The following RNF220 variants were observed in gnomAD, a reference collection of about 807,000 sequenced individuals.
The protein encoded by RNF220 is E3 ubiquitin-protein ligase RNF220.
RNF220 carries 7 observed loss-of-function variants against 67.1 expected under a neutral mutation model. That is an observed-to-expected ratio of 0.10 (90% CI 0.06 to 0.20). RNF220 has a LOEUF of 0.20. Among genes scored for constraint, RNF220 ranks in the 10% least tolerant of loss-of-function variants. The pLI is 1.00. For missense variants in RNF220, 565 were observed against 740.3 expected (o/e 0.76, Z 2.75); for synonymous variants, 270 against 283.2 (o/e 0.95, Z 0.47).
At chr1:44,479,229 C>T (rs1386549810) in intron 2 of RNF220, among the ~76,000 whole-genome samples, 2 of 151,922 alleles carry the variant, frequency 1.3e-5, no homozygotes, top group Admixed American at 6.6e-5. Flanking sequence ...CATTCTCCTG[C>T]CTCAGCCTCC....
chr1:44,450,277 A>G (rs1241173002), intron 2 of RNF220, among the ~76,000 whole-genome samples: 1 of 152,112 alleles, frequency 6.6e-6, no homozygotes, highest in African/African-American at 2.4e-5. Flanking sequence ...CGAAGCCTGC[A>G]TTGCCTCTTA....
At chr1:44,499,171 C>A (rs12096825) in intron 2 of RNF220, among the ~76,000 whole-genome samples, 126 of 152,246 alleles carry the variant, frequency 8.3e-4, no homozygotes, top group African/African-American at 2.8e-3. Flanking sequence ...TAGTAATTGT[C>A]TCCCTGAATC....
chr1:44,596,826 C>G (rs954476095), intron 2 of RNF220, among the ~76,000 whole-genome samples: 6 of 152,194 alleles, frequency 3.9e-5, no homozygotes, highest in Non-Finnish European at 8.8e-5. Context: ...CTAGTCCGCT[C>G]TCAACTATGA....
chr1:44,431,198 A>C (rs1436805544), intron 2 of RNF220, among the ~76,000 whole-genome samples: 1 of 152,180 alleles, frequency 6.6e-6, no homozygotes, highest in East Asian at 1.9e-4. Flanking sequence ...AAGGTAGTTT[A>C]AAAATGAAAT....
At chr1:44,441,316 G>C (rs1224004141) in intron 2 of RNF220, among the ~76,000 whole-genome samples, 2 of 152,124 alleles carry the variant, frequency 1.3e-5, no homozygotes, top group Non-Finnish European at 2.9e-5. Context: ...ATGTTAAGGA[G>C]AATATTACCA....
chr1:44,531,787 A>T (rs1660853861), intron 2 of RNF220, among the ~76,000 whole-genome samples: 1 of 152,222 alleles, frequency 6.6e-6, no homozygotes, highest in Non-Finnish European at 1.5e-5. Context: ...TCACTGCTTG[A>T]ATACCTCTTA....
intron 2 of RNF220, among the ~76,000 whole-genome samples, chr1:44,511,164 C>T (rs146999454): frequency 7.0e-4 from 107 of 152,306 alleles, no homozygotes; most frequent in African/African-American, 2.4e-3. Flanking sequence ...CTAAAGACTA[C>T]AGCCAATTCT....
At chr1:44,528,921 G>A (rs1228078899) in intron 2 of RNF220, among the ~76,000 whole-genome samples, 1 of 152,064 alleles carries the variant, frequency 6.6e-6, no homozygotes, top group Non-Finnish European at 1.5e-5. Context: ...GCCAGAATTG[G>A]CAACTTTTAA....
intron 2 of RNF220, among the ~76,000 whole-genome samples, chr1:44,487,672 A>AAATAATAATAAT (rs537638294): frequency 2.5e-4 from 35 of 142,578 alleles, no homozygotes; most frequent in African/African-American, 8.6e-4. Flanking sequence ...ATCTCTACTA[A>AAATAATAATAAT]AATAATAATA....
At chr1:44,546,835 G>T (rs1662197571) in intron 2 of RNF220, among the ~76,000 whole-genome samples, 1 of 152,106 alleles carries the variant, frequency 6.6e-6, no homozygotes, top group Non-Finnish European at 1.5e-5. Context: ...CTCCTCTCCA[G>T]CCCACCTGCT....
At chr1:44,567,213 A>G (rs928145931) in intron 2 of RNF220, among the ~76,000 whole-genome samples, 8 of 152,106 alleles carry the variant, frequency 5.3e-5, no homozygotes, top group African/African-American at 1.9e-4. Flanking sequence ...AACCAGGAAC[A>G]GTACAAACAG....
chr1:44,501,423 C>T (rs1657864389), intron 2 of RNF220, among the ~76,000 whole-genome samples: 1 of 152,042 alleles, frequency 6.6e-6, no homozygotes, highest in Non-Finnish European at 1.5e-5. Flanking sequence ...GCAGGCCGGT[C>T]AGCTGTGGGA....
intron 2 of RNF220, among the ~76,000 whole-genome samples, chr1:44,579,468 G>A (rs1272381150): frequency 1.3e-5 from 2 of 152,136 alleles, no homozygotes; most frequent in African/African-American, 2.4e-5. Flanking sequence ...GAGTTCTGGC[G>A]CTGTGGGGCC....
intron 2 of RNF220, among the ~76,000 whole-genome samples, chr1:44,538,636 C>A (rs989528263): frequency 6.6e-6 from 1 of 152,174 alleles, no homozygotes; most frequent in Non-Finnish European, 1.5e-5. Flanking sequence ...TCTATTCTGG[C>A]CAAGCGCAGT....
intron 2 of RNF220, among the ~76,000 whole-genome samples, chr1:44,527,042 A>T (rs272537): frequency 0.25 from 37,882 of 151,248 alleles, 5,184 homozygotes; most frequent in East Asian, 0.46. Context: ...CTCCTTACTT[A>T]CGCATCTTCC....
chr1:44,496,932 T>C (rs904663762), intron 2 of RNF220, among the ~76,000 whole-genome samples: 1 of 152,152 alleles, frequency 6.6e-6, no homozygotes, highest in Admixed American at 6.5e-5. Context: ...GTGGTCCTCC[T>C]CCAAACTCCT....
At chr1:44,432,794 T>C (rs1650531944) in intron 2 of RNF220, among the ~76,000 whole-genome samples, 1 of 152,168 alleles carries the variant, frequency 6.6e-6, no homozygotes, top group South Asian at 2.1e-4. Flanking sequence ...CAATGTCACT[T>C]GGAAAATATT....
intron 2 of RNF220, among the ~76,000 whole-genome samples, chr1:44,524,292 A>G (rs1461183397): frequency 6.7e-6 from 1 of 148,728 alleles, no homozygotes; most frequent in Non-Finnish European, 1.5e-5. Context: ...GTCCATTACG[A>G]CTCTCCCACC....
chr1:44,408,259 C>T (rs1572400419), intron 1 of RNF220, among the ~76,000 whole-genome samples: 1 of 152,224 alleles, frequency 6.6e-6, no homozygotes, highest in Non-Finnish European at 1.5e-5. Flanking sequence ...CCCGCACTCT[C>T]GGACTGGCCC....
Sources: allele counts gnomAD v4.1 joint callset (sites outside exome capture counted in the v4.1 genomes callset), GRCh38; gene constraint gnomAD v4.1.1; transcripts MANE v1.5; gene names NCBI Gene and HGNC (gene_info 2026-07-23, HGNC 2026-07-21).